KIF24: variants seen among roughly 807,000 people sequenced by gnomAD.
The protein encoded by KIF24 is kinesin family member 24.
Under a neutral mutation model 118.9 loss-of-function variants are expected in KIF24, and 81 were observed. That is an observed-to-expected ratio of 0.68 (90% CI 0.57 to 0.82). The LOEUF (loss-of-function observed/expected upper bound fraction) is 0.82. Among genes scored for constraint, KIF24 ranks in the 40% least tolerant of loss-of-function variants. The probability of loss-of-function intolerance (pLI) is 0.00; values close to 1 mark genes in which losing one functional copy is unlikely to be tolerated. For missense variants in KIF24, 1,560 were observed against 1,661.6 expected (o/e 0.94, Z 1.06); for synonymous variants, 599 against 610.0 (o/e 0.98, Z 0.27).
chr9:34,289,988 T>C (rs1054888410), intron 5 of KIF24, among the ~76,000 whole-genome samples, 186 bp downstream of exon 5: 2 of 152,230 alleles, frequency 1.3e-5, no homozygotes, highest in Non-Finnish European at 2.9e-5. Context: ...AATGAAAAGC[T>C]AATTTACATT....
chr9:34,315,924 G>C (rs1428484194), intron 1 of KIF24, among the ~76,000 whole-genome samples: 1 of 152,110 alleles, frequency 6.6e-6, no homozygotes, highest in South Asian at 2.1e-4. Flanking sequence ...AGCTACTCAG[G>C]AGGCTGAGGT....
At chr9:34,285,913 A>G (rs1836031120) in intron 6 of KIF24, among the ~76,000 whole-genome samples, 1 of 146,444 alleles carries the variant, frequency 6.8e-6, no homozygotes, top group Admixed American at 7.0e-5. Flanking sequence ...TGGGCAACAG[A>G]GCAAGACCCT....
chr9:34,295,409 G>A (rs942190683), intron 4 of KIF24, among the ~76,000 whole-genome samples: 10 of 152,106 alleles, frequency 6.6e-5, no homozygotes, highest in Non-Finnish European at 1.2e-4. Flanking sequence ...AGGCATGGTG[G>A]CTCACACCTA....
intron 9 of KIF24, among the ~76,000 whole-genome samples, chr9:34,260,378 A>AT (rs776304314): frequency 4.0e-4 from 61 of 151,612 alleles, no homozygotes; most frequent in Admixed American, 6.6e-4. Context: ...TACACTGAAT[A>AT]TAATAAAACC....
rs778142590 is a variant in KIF24, at chr9:34,301,997, C to CTTTTTTT, written c.813+4248_813+4254dup. 8.0e-5 allele frequency among the ~76,000 whole-genome samples: 11 copies of CTTTTTTT among 137,662 alleles called. 1 individual carries two copies. Among genetic ancestry groups the CTTTTTTT allele is most frequent in the East Asian group, 2.1e-4 (1 of 4,688 alleles). The allele number at this position is 137,662 out of a possible 152,430, so 90.3% of individuals were successfully genotyped here. A position where few individuals can be genotyped will look rare whatever the true frequency, so the allele number is the denominator to read the frequency against. On this transcript the variant is annotated intron_variant, in intron 3 of 12. Coordinates refer to ENST00000402558, the MANE Select transcript of KIF24 (RefSeq NM_194313.4). ...TTTTTCTATATATGTATTTTTTTTT[C>CTTTTTTT]TTTTTTTTTTTTTTTGAGACAGAGT... is the stretch of plus-strand genomic sequence containing the variant.
chr9:34,259,562 T>C, intron 10 of KIF24, 34 bp downstream of exon 10: 6 of 1,524,562 alleles, frequency 3.9e-6, no homozygotes, highest in Non-Finnish European at 5.5e-6. Context: ...ACATGCACAC[T>C]TACACACAAC....
chr9:34,319,616 G>A (rs1837450057), intron 1 of KIF24: 1 of 900,610 alleles, frequency 1.1e-6, no homozygotes, highest in African/African-American at 1.6e-5. Context: ...CTGGGCACCT[G>A]GTCCGGCCTA....
chr9:34,285,695 A>C (rs1836017025), intron 6 of KIF24, among the ~76,000 whole-genome samples: 2 of 151,524 alleles, frequency 1.3e-5, no homozygotes, highest in Admixed American at 1.3e-4. Flanking sequence ...GAATGGCATG[A>C]ACCCGGGAGG....
intron 11 of KIF24, 57 bp from the exon 12 acceptor site, chr9:34,255,222 A>G (rs1834778507): frequency 9.4e-7 from 1 of 1,069,212 alleles, no homozygotes; most frequent in Non-Finnish European, 1.4e-6. Context: ...TCTCCTGGGT[A>G]GCTTTCTGGA....
intron 1 of KIF24, among the ~76,000 whole-genome samples, chr9:34,320,188 G>T (rs752697497): frequency 6.6e-6 from 1 of 152,076 alleles, no homozygotes; most frequent in African/African-American, 2.4e-5. Context: ...GGCAGACTCT[G>T]GTCAAGAATG....
rs1835159035 is a variant in KIF24, at chr9:34,263,173, CT to C, written c.1444-2del. ...CCAGTGCTCGGATACATTCCTTCAG[CT>C]GCAAAGTGGGAGAACAAGCACATCA... On this transcript the variant is annotated splice_acceptor_variant, in intron 8 of 12. Transcript: ENST00000402558. LOFTEE classifies it high-confidence loss of function. The C allele has an allele frequency of 6.2e-7, 1 of 1,612,036 alleles. No individual in the cohort carries two copies. Among genetic ancestry groups the C allele is most frequent in the Admixed American group, 1.7e-5 (1 of 59,822 alleles).
chr9:34,301,401 A>G (rs1214945092), intron 3 of KIF24, among the ~76,000 whole-genome samples: 1 of 151,962 alleles, frequency 6.6e-6, no homozygotes, highest in East Asian at 1.9e-4. Flanking sequence ...GCATGCAGCC[A>G]CCACGCCCAA....
At chr9:34,305,266 T>C (rs1305719186) in intron 3 of KIF24, among the ~76,000 whole-genome samples, 1 of 152,214 alleles carries the variant, frequency 6.6e-6, no homozygotes, top group East Asian at 1.9e-4. Flanking sequence ...TAGTGTTTTA[T>C]TTAAACCCTT....
In KIF24 at chr9:34,257,931, C is replaced by T. The variant is rs769074796; in HGVS notation, c.1676G>A (p.Arg559Gln). 19 of 1,613,806 alleles carry T rather than the reference C, an allele frequency of 1.2e-5. No homozygotes were observed. In the East Asian group the frequency reaches 2.0e-4, roughly 17 times the overall value. ...AGAGGAGTTTCCAGATGTCCGATTTCGACTGGTAACTGAAGTGCAACACTT... is the reference window on the plus strand; with the variant it reads ...AGAGGAGTTTCCAGATGTCCGATTTTGACTGGTAACTGAAGTGCAACACTT... ...GIKCCTSVTS[R>Q]NRTSGNSSPK... is the part of the protein sequence containing the mutation. The change falls in exon 11 of 13, where the codon CGA becomes CAA. Residue 559 changes from arginine to glutamine, a missense_variant. Physicochemically the swap from Arg to Gln is conservative, Grantham distance 43 (BLOSUM62 1). Around this residue, in one of 3 missense-constraint regions of KIF24, gnomAD observed 964 missense variants for 988.0 expected, o/e 0.98. Transcript: ENST00000402558.
chr9:34,256,453 G>A lies in KIF24; in HGVS notation c.3154C>T (p.Leu1052Phe). The change falls in exon 11 of 13, where the codon CTC (leucine) becomes TTC (phenylalanine). Residue 1052 changes from leucine to phenylalanine, a missense_variant. By Grantham distance (22) the Leu-to-Phe change is conservative (BLOSUM62 0). This residue lies in a region of KIF24 where 591 missense variants were observed against 655.6 expected (regional missense o/e 0.90). Transcript: ENST00000402558. ...GGGTTCTCCAGGAGGGACATGGTGA[G>A]GGGAGACATGAGTCCAGAAGCATAT... is the stretch of plus-strand genomic sequence containing the variant. ...AEYASGLMSP[L>F]TMSLLENPDN... The A allele has an allele frequency of 2.5e-6, 4 of 1,613,884 alleles. No homozygotes were observed. Among genetic ancestry groups the A allele is most frequent in the Non-Finnish European group, 2.5e-6 (3 of 1,179,856 alleles).
Position 34,318,641 on chromosome 9 carries a change from C to A in KIF24, c.-25-7270G>T. The A allele has an allele frequency of 6.5e-7, 1 of 1,537,092 alleles. No individual in the cohort carries two copies. On this transcript the variant is annotated intron_variant, in intron 1 of 12. Coordinates refer to ENST00000402558, the MANE Select transcript of KIF24 (RefSeq NM_194313.4). This position sits in a 1 kb window ranked among gnomAD's most constrained non-coding sequence, Gnocchi z 4.9. The stretch of plus-strand genomic sequence containing the variant: ...CGTGGTGGTGGCCTCGTCGTTGGGG[C>A]TCGTGTCGCTGGGCGGCAAGGCGAC...
chr9:34,294,483 G>T (rs1299316073), intron 4 of KIF24, among the ~76,000 whole-genome samples: 1 of 152,064 alleles, frequency 6.6e-6, no homozygotes, highest in Non-Finnish European at 1.5e-5. Context: ...GGGAAGCAGA[G>T]GTTGCGGTGA....
In KIF24 at chr9:34,263,738, A is replaced by AT. The variant is rs11422359; in HGVS notation, c.1444-567dup. On this transcript the variant is annotated intron_variant, in intron 8 of 12. Coordinates refer to ENST00000402558, the MANE Select transcript of KIF24 (RefSeq NM_194313.4). ...CCTCGTTTTATTTATTTTTTTCTTA[A>AT]TTTTTTTTTTTTTTTGTAGAGATGG... 7.9e-3 allele frequency among the ~76,000 whole-genome samples: 1,081 copies of AT among 137,620 alleles called. 14 individuals are homozygous for AT. Among genetic ancestry groups the AT allele is most frequent in the African/African-American group, 0.02 (736 of 37,158 alleles). The allele number at this position is 137,620 out of a possible 152,430, so 90.3% of individuals were successfully genotyped here.
At chr9:34,270,634 G>C (rs1835469767) in intron 7 of KIF24, among the ~76,000 whole-genome samples, 1 of 151,020 alleles carries the variant, frequency 6.6e-6, no homozygotes, top group South Asian at 2.1e-4. Flanking sequence ...AGACGGGGTG[G>C]ATGTGAGGGC....
Sources: allele counts gnomAD v4.1 joint callset (sites outside exome capture counted in the v4.1 genomes callset), GRCh38; gene constraint gnomAD v4.1.1; regional missense constraint gnomAD v4.1.1; non-coding constraint Gnocchi (gnomAD v3.1); transcripts MANE v1.5; gene names NCBI Gene and HGNC (gene_info 2026-07-23, HGNC 2026-07-21).